The following AQP1 variants were observed in gnomAD, a reference collection of about 807,000 sequenced individuals.
AQP1 encodes aquaporin 1 (Colton blood group), also known as aquaporin-1.
Under a neutral mutation model 19.7 loss-of-function variants are expected in AQP1, and 11 were observed. The ratio of observed to expected loss-of-function variants is 0.56; its 90% CI spans 0.35 to 0.92. AQP1 has a LOEUF of 0.92. AQP1 is among the 40% of genes least tolerant of loss of function. The pLI is 0.01. For missense variants in AQP1, 320 were observed against 369.7 expected (o/e 0.87, Z 1.10); for synonymous variants, 159 against 166.7 (o/e 0.95, Z 0.36).
Position 30,922,628 on chromosome 7 carries a change from A to G in AQP1, c.614A>G (p.Asn205Ser), listed in dbSNP as rs1427213285. 4 of 1,614,104 alleles carry G rather than the reference A, an allele frequency of 2.5e-6. No homozygotes were observed. The highest frequency in any genetic ancestry group is 3.4e-6 in the Non-Finnish European group (4 of 1,179,988). Residue 205 changes from asparagine to serine, a missense_variant, in exon 3 of 4, where the codon AAC becomes AGC. Physicochemically the swap from Asn to Ser is conservative, Grantham distance 46. Transcript: ENST00000311813. The part of the protein sequence containing the change: ...RSFGSAVITH[N>S]FSNHWIFWVG... ...TTTGGCTCCGCGGTGATCACACACA[A>G]CTTCAGCAACCACTGGGTAGGAGAC...
Position 30,925,256 on chromosome 7 carries a change from C to T in AQP1, c.*1627C>T, listed in dbSNP as rs867967575. 6.6e-6 allele frequency: 1 copy of T among 152,224 alleles called. No homozygotes were observed. The highest frequency in any genetic ancestry group is 2.4e-5 in the African/African-American group (1 of 41,442). The allele number at this position is 152,224 out of a possible 1,614,324, so 9.4% of individuals were successfully genotyped here. The stretch of plus-strand genomic sequence containing the variant: ...CAATGATTTGGCCAGGCCTAGTAAC[C>T]AAGGCCCTGTCTCTGGCTACTCCCT... On this transcript the variant is annotated 3_prime_UTR_variant, in exon 4 of 4. Transcript: ENST00000311813.
At chr7:30,921,942 T>A in intron 1 of AQP1, 124 bp from the exon 2 acceptor site, 1 of 1,561,434 alleles carries the variant, frequency 6.4e-7, no homozygotes, top group Non-Finnish European at 8.7e-7. Flanking sequence ...TGATGGGCTC[T>A]GAAGGCCCAT....
rs28362730 is a variant in AQP1 at position 30,922,137 on chromosome 7, C to T, written c.456C>T (p.Cys152=). 1.9e-4 allele frequency: 310 copies of T among 1,614,004 alleles called. 2 individuals are homozygous for T. In the African/African-American group the frequency reaches 2.7e-3, roughly 14 times the overall value. ...EIIGTLQLVL[C]VLATTDRRRR... ...TCGGGACCCTCCAGCTGGTGCTATG[C>T]GTGCTGGCTACTACCGACCGGAGGC... is the stretch of plus-strand genomic sequence containing the variant. The change falls in exon 2 of 4, where the codon TGC becomes TGT. Residue 152 remains cysteine, a synonymous_variant. Coordinates refer to ENST00000311813, the MANE Select transcript of AQP1 (RefSeq NM_198098.4).
rs1156595788 is a variant in AQP1, at chr7:30,913,429, G to GC, written c.384+1136_384+1137insC. The stretch of plus-strand genomic sequence containing the variant: ...GGGGGTGCCCTTACAGGGAGGGAGA[G>GC]AAGCCAAGGAGCAGAGAGGAGGACT... On this transcript the variant is annotated intron_variant, in intron 1 of 3. Transcript: ENST00000311813. 5 of 153,064 alleles carry GC rather than the reference G, an allele frequency of 3.3e-5. No homozygotes were observed. The East Asian group carries it at 9.7e-4, about 30-fold the overall frequency. 9.5% of individuals were successfully genotyped at this position (153,064 alleles called of 1,614,324 possible).
Position 30,924,196 on chromosome 7 carries a change from T to C in AQP1, c.*567T>C, listed in dbSNP as rs1315331751. 6 of 1,047,562 alleles carry C rather than the reference T, an allele frequency of 5.7e-6. No homozygotes were observed. The African/African-American group carries it at 1.0e-4, about 17-fold the overall frequency. 64.9% of individuals were successfully genotyped at this position (1,047,562 alleles called of 1,614,324 possible). A position where few individuals can be genotyped will look rare whatever the true frequency, so the allele number is the denominator to read the frequency against. On this transcript the variant is annotated 3_prime_UTR_variant, in exon 4 of 4. Coordinates refer to ENST00000311813, the MANE Select transcript of AQP1 (RefSeq NM_198098.4). ...CTGCCTGACCTTGGAATCGTCCCTA[T>C]ATCAGGGCCTGAGTGACCTCCTTCT...
At chr7:30,921,006 C>G (rs1055067603) in intron 1 of AQP1, among the ~76,000 whole-genome samples, 1 of 152,190 alleles carries the variant, frequency 6.6e-6, no homozygotes, top group Non-Finnish European at 1.5e-5. Flanking sequence ...CTCCCATATC[C>G]TGAGGATGGG....
chr7:30,919,517 CAATTGAG>C (rs28362726), intron 1 of AQP1, among the ~76,000 whole-genome samples: 33 of 149,244 alleles, frequency 2.2e-4, no homozygotes, highest in South Asian at 4.3e-4. Flanking sequence ...AGCGGGAAGA[CAATTGAG>C]AATTGAGAAT....
At chr7:30,921,483 GGAGA>G (rs1267533513) in intron 1 of AQP1, 3 of 1,479,304 alleles carry the variant, frequency 2.0e-6, no homozygotes, top group African/African-American at 1.4e-5. Context: ...GGGTGGAGAA[GGAGA>G]GAGAGAGGGT....
chr7:30,921,879 G>T, intron 1 of AQP1, 187 bp from the exon 2 acceptor site: 5 of 1,533,546 alleles, frequency 3.3e-6, no homozygotes, highest in Non-Finnish European at 4.4e-6. Context: ...CACAGGGGGT[G>T]GGTTCAAGGC....
At chr7:30,918,068 C>T (rs28362720) in intron 1 of AQP1, among the ~76,000 whole-genome samples, 326 of 151,816 alleles carry the variant, frequency 2.1e-3, no homozygotes, top group African/African-American at 7.6e-3. Flanking sequence ...CATCTCGGCT[C>T]ACTGCAAGTT....
chr7:30,922,450 C>T (rs1791543978), intron 2 of AQP1, 114 bp from the exon 3 acceptor site: 1 of 1,311,230 alleles, frequency 7.6e-7, no homozygotes, highest in Non-Finnish European at 1.1e-6. Context: ...CCCTGGGTCT[C>T]ATTGTCCCCC....
In AQP1 at chr7:30,912,300, G is replaced by C. The variant is rs2128587988; in HGVS notation, c.384+7G>C. 7 of 1,598,720 alleles carry C rather than the reference G, an allele frequency of 4.4e-6. No homozygotes were observed. The highest frequency in any genetic ancestry group is 5.9e-6 in the Non-Finnish European group (7 of 1,178,430). On this transcript the variant is annotated splice_region_variant and intron_variant, in intron 1 of 3. Coordinates refer to ENST00000311813, the MANE Select transcript of AQP1 (RefSeq NM_198098.4). This position sits in a 1 kb window ranked among gnomAD's most constrained non-coding sequence, Gnocchi z 4.3. ...CTCGCTTGGCCGCAATGACGTGAGT[G>C]GGGTGTCCCTGGGCTTGGGGGGGTT...
At chr7:30,914,762 A>G (rs1791268620) in intron 1 of AQP1, among the ~76,000 whole-genome samples, 1 of 152,232 alleles carries the variant, frequency 6.6e-6, no homozygotes, top group African/African-American at 2.4e-5. Context: ...AGTGGTTGGC[A>G]TGGAGATTTC....
intron 1 of AQP1, among the ~76,000 whole-genome samples, chr7:30,917,315 G>T (rs1331878985): frequency 1.3e-5 from 2 of 152,350 alleles, no homozygotes; most frequent in Non-Finnish European, 2.9e-5. Context: ...GGGACCCAAG[G>T]AGGGTTGGGC....
In AQP1 at chr7:30,912,095, G is replaced by T. The variant is rs368313004; in HGVS notation, c.186G>T (p.Thr62=). 1.9e-6 allele frequency: 3 copies of T among 1,613,276 alleles called. No homozygotes were observed. Among genetic ancestry groups the T allele is most frequent in the Admixed American group, 1.7e-5 (1 of 60,020 alleles). ...VSLAFGLSIA[T]LAQSVGHISG... ...TGGCCTTCGGGCTGAGCATCGCCAC[G>T]CTGGCGCAGAGTGTGGGCCACATCA... is the stretch of plus-strand genomic sequence containing the variant. Residue 62 remains threonine, a synonymous_variant, in exon 1 of 4, where the codon ACG becomes ACT. Coordinates refer to ENST00000311813, the MANE Select transcript of AQP1 (RefSeq NM_198098.4). The surrounding 1 kb of genome is among the most constrained non-coding windows in gnomAD (Gnocchi z 4.3).
chr7:30,924,346 A>G lies in AQP1; in HGVS notation c.*717A>G. On this transcript the variant is annotated 3_prime_UTR_variant, in exon 4 of 4. Coordinates refer to ENST00000311813, the MANE Select transcript of AQP1 (RefSeq NM_198098.4). ...TCCACTTGCCCTGTGTTCTTTCCCCAGGGGCATGACTGTCGCCACACGCCT... is the reference window on the plus strand; with the variant it reads ...TCCACTTGCCCTGTGTTCTTTCCCCGGGGGCATGACTGTCGCCACACGCCT... 1 of 183,438 alleles carries G rather than the reference A, an allele frequency of 5.5e-6. No individual in the cohort carries two copies. The highest frequency in any genetic ancestry group is 1.2e-5 in the Non-Finnish European group (1 of 86,506). 11.4% of individuals were successfully genotyped at this position (183,438 alleles called of 1,614,324 possible).
At chr7:30,921,478 GAGA>G in intron 1 of AQP1, 2 of 1,475,826 alleles carry the variant, frequency 1.4e-6, no homozygotes, top group Admixed American at 2.4e-5. Flanking sequence ...AGACGGGGTG[GAGA>G]AGGAGAGAGA....
At position 30,922,581 on chromosome 7, in the gene AQP1, T is replaced by C; in HGVS notation, c.567T>C (p.Cys189=). ...GHLLAIDYTG[C]GINPARSFGS... is the part of the protein sequence containing the mutation. ...CCTCACAGATTGACTACACTGGCTG[T>C]GGGATTAACCCTGCTCGGTCCTTTG... The change falls in exon 3 of 4, where the codon TGT becomes TGC. Residue 189 remains cysteine (C), a synonymous_variant. Coordinates refer to ENST00000311813, the MANE Select transcript of AQP1 (RefSeq NM_198098.4). 6.2e-7 allele frequency: 1 copy of C among 1,613,896 alleles called. No homozygotes were observed. Among genetic ancestry groups the C allele is most frequent in the Non-Finnish European group, 8.5e-7 (1 of 1,179,978 alleles).
chr7:30,914,261 G>A (rs1218741143), intron 1 of AQP1, among the ~76,000 whole-genome samples: 5 of 152,210 alleles, frequency 3.3e-5, no homozygotes, highest in Non-Finnish European at 5.9e-5. Context: ...GGGCTGAGAG[G>A]CAGACACCTG....
Sources: gnomAD v4.1 joint callset for allele counts (sites outside exome capture counted in the v4.1 genomes callset) on GRCh38, gnomAD v4.1.1 for gene constraint, Gnocchi (gnomAD v3.1) non-coding constraint, MANE v1.5 for transcripts, NCBI Gene and HGNC (gene_info 2026-07-23, HGNC 2026-07-21) for gene names.